Variants in HOTAIR observed in about 807,000 individuals in gnomAD.
HOTAIR encodes HOX transcript antisense RNA, also known as HOX transcript antisense RNA (non-protein coding).
intron 5 of HOTAIR, among the ~76,000 whole-genome samples, chr12:53,965,212 A>G (rs1038999241): frequency 3.9e-5 from 6 of 152,260 alleles, no homozygotes; most frequent in African/African-American, 1.4e-4. Flanking sequence ...AAAGCCAGAG[A>G]AGGGTGAACC....
intron 1 of HOTAIR, among the ~76,000 whole-genome samples, chr12:53,969,459 A>G (rs1939113447): frequency 3.3e-5 from 5 of 152,040 alleles, no homozygotes; most frequent in Non-Finnish European, 7.4e-5. Context: ...TGACTTGGGG[A>G]CTCAGGCTTG....
At position 53,973,393 on chromosome 12, in the gene HOTAIR, T is replaced by A. The variant is rs1418437697; in HGVS notation, n.59+1505A>T. 2 of 1,614,104 alleles carry A rather than the reference T, an allele frequency of 1.2e-6. No individual in the cohort carries two copies. Among genetic ancestry groups the A allele is most frequent in the African/African-American group, 2.7e-5 (2 of 74,930 alleles). Reference sequence around the variant, plus strand: ...GAGTTCTCCACGGTCTCCTCCTTCCTGCCCCAGGCCCCCTCTCGTCAGATC... The same window carrying A: ...GAGTTCTCCACGGTCTCCTCCTTCCAGCCCCAGGCCCCCTCTCGTCAGATC... On this transcript the variant is annotated intron_variant and non_coding_transcript_variant, in intron 1 of 6. Coordinates refer to ENST00000424518, the Ensembl canonical transcript of HOTAIR. This position sits in a 1 kb window ranked among gnomAD's most constrained non-coding sequence, Gnocchi z 4.3.
rs563432266 is a variant in HOTAIR at position 53,970,263 on chromosome 12, G to C, written n.60-1507C>G. 3.5e-4 allele frequency among the ~76,000 whole-genome samples: 54 copies of C among 152,354 alleles called. 1 individual carries two copies. The South Asian group carries it at 0.011, about 30-fold the overall frequency. ...AAGATACAAATAAGCCACCTGGAGC[G>C]GGCTTGACAAGGAAGGGATTGGGGG... On this transcript the variant is annotated intron_variant and non_coding_transcript_variant, in intron 1 of 6. Coordinates refer to ENST00000424518, the Ensembl canonical transcript of HOTAIR.
chr12:53,971,799 G>A lies in HOTAIR; in HGVS notation n.60-3043C>T, dbSNP rs139588847. On this transcript the variant is annotated intron_variant and non_coding_transcript_variant, in intron 1 of 6. Coordinates refer to ENST00000424518, the Ensembl canonical transcript of HOTAIR. ...AAGTGATTTTCAGATGCCCACATGT[G>A]TCCTGTGGTGCTCAGAGGGATGGAA... 2.4e-3 allele frequency among the ~76,000 whole-genome samples: 361 copies of A among 152,356 alleles called. 1 individual carries two copies. The highest frequency in any genetic ancestry group is 7.9e-3 in the South Asian group (38 of 4,832).
intron 1 of HOTAIR, among the ~76,000 whole-genome samples, chr12:53,974,126 G>T (rs1001888327): frequency 1.3e-5 from 2 of 151,470 alleles, no homozygotes; most frequent in Non-Finnish European, 2.9e-5. Flanking sequence ...TTTTACGATG[G>T]AGAAGGGGTG....
rs945586470 is a variant in HOTAIR at position 53,973,751 on chromosome 12, C to T, written n.59+1147G>A. 1 of 1,612,712 alleles carries T rather than the reference C, an allele frequency of 6.2e-7. No individual in the cohort carries two copies. Among genetic ancestry groups the T allele is most frequent in the South Asian group, 1.1e-5 (1 of 91,040 alleles). ...GCGGCGACCCGCCCGCCGAGCCCCCCTGCTCCGGCAAGGGCGAGGCCAAGG... is the reference window on the plus strand; with the variant it reads ...GCGGCGACCCGCCCGCCGAGCCCCCTTGCTCCGGCAAGGGCGAGGCCAAGG... On this transcript the variant is annotated intron_variant and non_coding_transcript_variant, in intron 1 of 6. Coordinates refer to ENST00000424518, the Ensembl canonical transcript of HOTAIR. The surrounding 1 kb of genome is among the most constrained non-coding windows in gnomAD (Gnocchi z 4.3).
At chr12:53,966,899 T>A (rs2136371754) in intron 3 of HOTAIR, among the ~76,000 whole-genome samples, 1 of 152,252 alleles carries the variant, frequency 6.6e-6, no homozygotes, top group East Asian at 1.9e-4. Flanking sequence ...CAGGCTCAGC[T>A]CGAAGGCTCA....
intron 1 of HOTAIR, among the ~76,000 whole-genome samples, chr12:53,969,713 G>A (rs1156520503): frequency 6.6e-6 from 1 of 152,250 alleles, no homozygotes; most frequent in Non-Finnish European, 1.5e-5. Flanking sequence ...GAACAAACGA[G>A]AGCGTCCATG....
At chr12:53,962,315 A>G (rs1938965451) in exon 7 of HOTAIR, 2 of 152,230 alleles carry the variant, frequency 1.3e-5, no homozygotes, top group Admixed American at 6.5e-5. Context: ...ACGTATATTC[A>G]CCACATGTAA....
chr12:53,969,311 C>G (rs1301042336), intron 1 of HOTAIR, among the ~76,000 whole-genome samples: 1 of 152,202 alleles, frequency 6.6e-6, no homozygotes, highest in African/African-American at 2.4e-5. Flanking sequence ...GGTCGGGTTG[C>G]TAGCATCCTG....
intron 5 of HOTAIR, among the ~76,000 whole-genome samples, chr12:53,965,370 A>G (rs2136370812): frequency 1.3e-5 from 2 of 152,332 alleles, no homozygotes; most frequent in Middle Eastern, 3.4e-3. Context: ...CAATGTGAGG[A>G]AGACAGGGTC....
In HOTAIR at chr12:53,973,663, TCAA is replaced by T; in HGVS notation, n.59+1232_59+1234del. On this transcript the variant is annotated intron_variant and non_coding_transcript_variant, in intron 1 of 6. Coordinates refer to ENST00000424518, the Ensembl canonical transcript of HOTAIR. This position sits in a 1 kb window ranked among gnomAD's most constrained non-coding sequence, Gnocchi z 4.3. ...ACCCCCGCCGGCTTCTACTCCTCAGTCAACAAGAACAGCGTCCTGCCTCAAGCC... is the reference window on the plus strand; with the variant it reads ...ACCCCCGCCGGCTTCTACTCCTCAGTCAAGAACAGCGTCCTGCCTCAAGCC... 1 of 1,613,320 alleles carries T rather than the reference TCAA, an allele frequency of 6.2e-7. No homozygotes were observed. The highest frequency in any genetic ancestry group is 8.5e-7 in the Non-Finnish European group (1 of 1,179,972).
chr12:53,973,443 C>T lies in HOTAIR; in HGVS notation n.59+1455G>A. 1.2e-6 allele frequency: 2 copies of T among 1,614,162 alleles called. No homozygotes were observed. Among genetic ancestry groups the T allele is most frequent in the East Asian group, 2.2e-5 (1 of 44,872 alleles). On this transcript the variant is annotated intron_variant and non_coding_transcript_variant, in intron 1 of 6. Transcript: ENST00000424518. This position sits in a 1 kb window ranked among gnomAD's most constrained non-coding sequence, Gnocchi z 4.3. ...CTCCTATCCCTACTCGGCCCAAGTG[C>T]CCCCGGTCCGGGAGGTCTCCTACGG...
At chr12:53,970,567 T>C (rs1939133057) in intron 1 of HOTAIR, among the ~76,000 whole-genome samples, 3 of 140,722 alleles carry the variant, frequency 2.1e-5, no homozygotes, top group Non-Finnish European at 4.8e-5. Flanking sequence ...CTAGAGAACA[T>C]TTTAAACTTT....
intron 3 of HOTAIR, among the ~76,000 whole-genome samples, chr12:53,966,808 G>A (rs1287420837): frequency 9.8e-6 from 1 of 102,362 alleles, no homozygotes; most frequent in East Asian, 2.9e-4. Flanking sequence ...GACCGGGAGC[G>A]TAAGGCAGCG....
Position 53,973,634 on chromosome 12 carries a change from C to A in HOTAIR, n.59+1264G>T. The A allele has an allele frequency of 6.2e-7, 1 of 1,613,770 alleles. No individual in the cohort carries two copies. Among genetic ancestry groups the A allele is most frequent in the Non-Finnish European group, 8.5e-7 (1 of 1,180,042 alleles). On this transcript the variant is annotated intron_variant and non_coding_transcript_variant, in intron 1 of 6. Coordinates refer to ENST00000424518, the Ensembl canonical transcript of HOTAIR. The surrounding 1 kb of genome is among the most constrained non-coding windows in gnomAD (Gnocchi z 4.3). The stretch of plus-strand genomic sequence containing the variant: ...GCCACCACCACCCCAGCGCCCCGCA[C>A]GCAACCCCCGCCGGCTTCTACTCCT...
chr12:53,973,553 C>G lies in HOTAIR; in HGVS notation n.59+1345G>C, dbSNP rs1222020729. The G allele has an allele frequency of 1.9e-6, 3 of 1,612,978 alleles. No individual in the cohort carries two copies. The highest frequency in any genetic ancestry group is 2.5e-6 in the Non-Finnish European group (3 of 1,179,958). On this transcript the variant is annotated intron_variant and non_coding_transcript_variant, in intron 1 of 6. Coordinates refer to ENST00000424518, the Ensembl canonical transcript of HOTAIR. The surrounding 1 kb of genome is among the most constrained non-coding windows in gnomAD (Gnocchi z 4.3). ...CCGACGAGCTTATGCACCGGGAGTG[C>G]CTGCCTCCTTCCACCGTCACCGAGA... is the stretch of plus-strand genomic sequence containing the variant.
In HOTAIR at chr12:53,973,951, G is replaced by C; in HGVS notation, n.59+947C>G. On this transcript the variant is annotated intron_variant and non_coding_transcript_variant, in intron 1 of 6. Transcript: ENST00000424518. This position sits in a 1 kb window ranked among gnomAD's most constrained non-coding sequence, Gnocchi z 4.3. ...AGGTAGCAGCGGCCGGGGAACGGGC[G>C]GGCAGCGAGGGAGGGAGCGAGAGAG... The C allele has an allele frequency of 7.0e-7, 1 of 1,433,268 alleles. No individual in the cohort carries two copies. The highest frequency in any genetic ancestry group is 9.2e-7 in the Non-Finnish European group (1 of 1,091,722). 88.8% of individuals were successfully genotyped at this position (1,433,268 alleles called of 1,614,324 possible).
intron 1 of HOTAIR, among the ~76,000 whole-genome samples, chr12:53,969,401 C>G (rs1339932393): frequency 6.6e-6 from 1 of 152,186 alleles, no homozygotes; most frequent in East Asian, 1.9e-4. Flanking sequence ...ACTACCTCCT[C>G]CATAGGTCCC....
Sources: allele counts gnomAD v4.1 joint callset (sites outside exome capture counted in the v4.1 genomes callset), GRCh38; gene constraint gnomAD v4.1.1; non-coding constraint Gnocchi (gnomAD v3.1); transcripts MANE v1.5; gene names NCBI Gene and HGNC (gene_info 2026-07-23, HGNC 2026-07-21).